Variants in SUSD6 observed in about 807,000 individuals in gnomAD.
The protein encoded by SUSD6 is sushi domain containing 6.
Under a neutral mutation model 28.4 loss-of-function variants are expected in SUSD6, and 16 were observed. The observed-to-expected ratio is 0.56, with a 90% CI of 0.38 to 0.86. The LOEUF is 0.86. Ranked by LOEUF, SUSD6 falls within the 40% of genes least tolerant of loss-of-function variation. The pLI, the probability that SUSD6 is intolerant of heterozygous loss-of-function variation, is 0.00. For synonymous variants in SUSD6, 147 were observed against 159.6 expected (o/e 0.92, Z 0.59); for missense variants, 341 against 384.2 (o/e 0.89, Z 0.94).
intron 4 of SUSD6, 65 bp downstream of exon 4, chr14:69,704,807 T>G (rs1024518372): frequency 6.2e-5 from 96 of 1,558,648 alleles, no homozygotes; most frequent in Non-Finnish European, 7.7e-5. Context: ...GGGCCAGTCT[T>G]TGGTGGAGGG....
intron 2 of SUSD6, among the ~76,000 whole-genome samples, chr14:69,688,874 A>G (rs569116819): frequency 6.6e-6 from 1 of 152,272 alleles, no homozygotes; most frequent in African/African-American, 2.4e-5. Flanking sequence ...TTAAAATCTC[A>G]TCTCATGGAA....
intron 1 of SUSD6, among the ~76,000 whole-genome samples, chr14:69,647,320 CT>C (rs977399222): frequency 2.6e-5 from 4 of 152,124 alleles, no homozygotes; most frequent in African/African-American, 9.7e-5. Context: ...ACTCTGCTAT[CT>C]TTTAGGGCTC....
intron 1 of SUSD6, among the ~76,000 whole-genome samples, chr14:69,651,986 C>G (rs1412654696): frequency 6.6e-6 from 1 of 152,122 alleles, no homozygotes; most frequent in African/African-American, 2.4e-5. Context: ...GTTCTTTGTC[C>G]TTTCTCATCA....
In SUSD6 at chr14:69,612,006, C is replaced by T. The variant is rs549237975; in HGVS notation, c.-81+178C>T. Among the ~76,000 whole-genome samples the T allele has an allele frequency of 2.1e-3, 306 of 148,960 alleles. 1 individual carries two copies. The highest frequency in any genetic ancestry group is 3.0e-3 in the Non-Finnish European group (200 of 66,652). ...GCGCCGGCCCGCTGTCACCCGGCCG[C>T]GAGCCGCGCCGCTGGGAGCCCCGCG... On this transcript the variant is annotated intron_variant, in intron 1 of 5. Transcript: ENST00000342745.
intron 1 of SUSD6, among the ~76,000 whole-genome samples, chr14:69,646,797 G>A (rs935767566): frequency 7.0e-6 from 1 of 143,574 alleles, no homozygotes; most frequent in Non-Finnish European, 1.5e-5. Flanking sequence ...TGCTTCCCAG[G>A]TTCACACCAT....
chr14:69,612,988 C>A (rs972691568), intron 1 of SUSD6, among the ~76,000 whole-genome samples: 12 of 152,132 alleles, frequency 7.9e-5, no homozygotes, highest in African/African-American at 2.9e-4. Context: ...CTAGTGGAGG[C>A]TAGTAGAGAC....
intron 2 of SUSD6, among the ~76,000 whole-genome samples, chr14:69,678,865 A>T (rs931242157): frequency 2.6e-5 from 4 of 152,214 alleles, no homozygotes; most frequent in African/African-American, 9.7e-5. Flanking sequence ...TGCAAGGAAC[A>T]TCCTTGTGCA....
chr14:69,711,096 TG>T lies in SUSD6; in HGVS notation c.*118del. Reference sequence around the variant, plus strand: ...TTACCTGGATACCTGAGCTGCCACCTGTGTATCTGTGTATCTCTGAGGGCCC... The same window carrying T: ...TTACCTGGATACCTGAGCTGCCACCTTGTATCTGTGTATCTCTGAGGGCCC... On this transcript the variant is annotated 3_prime_UTR_variant, in exon 6 of 6. Transcript: ENST00000342745. 1 of 962,384 alleles carries T rather than the reference TG, an allele frequency of 1.0e-6. No individual in the cohort carries two copies. Among genetic ancestry groups the T allele is most frequent in the Non-Finnish European group, 1.7e-6 (1 of 599,384 alleles). 59.6% of individuals were successfully genotyped at this position (962,384 alleles called of 1,614,324 possible).
chr14:69,636,051 T>G (rs1013856119), intron 1 of SUSD6, among the ~76,000 whole-genome samples: 2 of 152,244 alleles, frequency 1.3e-5, no homozygotes, highest in African/African-American at 2.4e-5. Context: ...TTTAGTCAGC[T>G]AGTGGGTGTG....
chr14:69,679,564 A>G (rs914743944), intron 2 of SUSD6, among the ~76,000 whole-genome samples: 1 of 151,206 alleles, frequency 6.6e-6, no homozygotes, highest in Non-Finnish European at 1.5e-5. Context: ...TTAAAATATT[A>G]TGAGTTTATT....
rs575781744 is a variant in SUSD6 at position 69,712,055 on chromosome 14, G to A, written c.*1076G>A. 5.2e-4 allele frequency: 79 copies of A among 152,460 alleles called. No homozygotes were observed. The highest frequency in any genetic ancestry group is 1.2e-3 in the Admixed American group (19 of 15,302). 9.4% of individuals were successfully genotyped at this position (152,460 alleles called of 1,614,324 possible). ...GCCGAGAGGCACAGACCAAGTCCCC[G>A]GGTGGCTGCAGGCAGCTCCAGCCCG... On this transcript the variant is annotated 3_prime_UTR_variant, in exon 6 of 6. Transcript: ENST00000342745.
At chr14:69,672,590 C>A (rs1885849719) in intron 2 of SUSD6, among the ~76,000 whole-genome samples, 1 of 152,204 alleles carries the variant, frequency 6.6e-6, no homozygotes, top group Non-Finnish European at 1.5e-5. Context: ...GTGCTAACTG[C>A]CTGGCACATG....
chr14:69,628,921 G>T (rs977593741), intron 1 of SUSD6, among the ~76,000 whole-genome samples: 1 of 151,974 alleles, frequency 6.6e-6, no homozygotes, highest in Non-Finnish European at 1.5e-5. Context: ...TACCCAGGCT[G>T]GTCTTGAACT....
In SUSD6 at chr14:69,710,814, C is replaced by T. The variant is rs1009027051; in HGVS notation, c.887-140C>T. ...AAAGGAGGTAGGGAGTTTTTGCCTA[C>T]CTAGAAGTGTATGAGTGGGACATTT... On this transcript the variant is annotated intron_variant, in intron 5 of 5. Coordinates refer to ENST00000342745, the MANE Select transcript of SUSD6 (RefSeq NM_014734.4). The T allele has an allele frequency of 8.0e-5, 62 of 777,910 alleles. No homozygotes were observed. In the African/African-American group the frequency reaches 8.6e-4, roughly 11 times the overall value. 48.2% of individuals were successfully genotyped at this position (777,910 alleles called of 1,614,324 possible).
At chr14:69,704,067 T>C (rs1196510343) in intron 3 of SUSD6, among the ~76,000 whole-genome samples, 2 of 152,232 alleles carry the variant, frequency 1.3e-5, no homozygotes, top group Non-Finnish European at 2.9e-5. Flanking sequence ...ATCTTTGTGC[T>C]TCCCACTCAG....
chr14:69,668,060 G>A (rs1306157669), intron 2 of SUSD6, among the ~76,000 whole-genome samples: 1 of 152,226 alleles, frequency 6.6e-6, no homozygotes, highest in Non-Finnish European at 1.5e-5. Flanking sequence ...GCAGGAGCAA[G>A]TCCAGGGCCC....
intron 2 of SUSD6, among the ~76,000 whole-genome samples, chr14:69,667,981 A>G (rs1885770002): frequency 6.6e-6 from 1 of 152,194 alleles, no homozygotes; most frequent in African/African-American, 2.4e-5. Flanking sequence ...ATTGTGGGAA[A>G]GGTACTCCAT....
chr14:69,656,697 A>G (rs1409506152), intron 1 of SUSD6, among the ~76,000 whole-genome samples: 1 of 152,198 alleles, frequency 6.6e-6, no homozygotes, highest in African/African-American at 2.4e-5. Context: ...CATCAACTCT[A>G]CGAAGTTAGT....
chr14:69,678,380 A>G (rs1594714504), intron 2 of SUSD6, among the ~76,000 whole-genome samples: 1 of 150,572 alleles, frequency 6.6e-6, no homozygotes, highest in East Asian at 1.9e-4. Flanking sequence ...TACAAACTAT[A>G]GTTGTAAATT....
Sources: gnomAD v4.1 joint callset for allele counts (sites outside exome capture counted in the v4.1 genomes callset) on GRCh38, gnomAD v4.1.1 for gene constraint, MANE v1.5 for transcripts, NCBI Gene and HGNC (gene_info 2026-07-23, HGNC 2026-07-21) for gene names.